BCKDHB: variants seen among roughly 807,000 people sequenced by gnomAD.
BCKDHB encodes the protein branched chain keto acid dehydrogenase E1 subunit beta, also known as 2-oxoisovalerate dehydrogenase subunit beta, mitochondrial.
BCKDHB carries 41 observed loss-of-function variants against 48.5 expected under a neutral mutation model. The ratio of observed to expected loss-of-function variants is 0.85; its 90% CI spans 0.66 to 1.10. BCKDHB has a LOEUF of 1.10. Among genes scored for constraint, BCKDHB ranks in the 50% least tolerant of loss-of-function variants. BCKDHB has a pLI of 0.00. For synonymous variants in BCKDHB, 201 were observed against 174.8 expected (o/e 1.15, Z -1.18); for missense variants, 496 against 494.2 (o/e 1.00, Z -0.03).
At chr6:80,326,410 T>C (rs7771593) in intron 9 of BCKDHB, among the ~76,000 whole-genome samples, 46,922 of 152,032 alleles carry the variant, frequency 0.31, 7,474 homozygotes, top group Non-Finnish European at 0.36. Context: ...TTTATGTCTG[T>C]CTCTCACTTT....
At chr6:80,202,889 A>G (rs1026510578) in intron 7 of BCKDHB, among the ~76,000 whole-genome samples, 4 of 151,894 alleles carry the variant, frequency 2.6e-5, no homozygotes, top group African/African-American at 9.7e-5. Flanking sequence ...TTCTCTCTCT[A>G]AGCACCTCTT....
At chr6:80,386,037 T>G in the BCKDHB span, among the ~76,000 whole-genome samples, 1 of 152,258 alleles carries the variant, frequency 6.6e-6, no homozygotes, top group Admixed American at 6.5e-5. Flanking sequence ...TGATCTCCCT[T>G]GGTTTAATGT....
intron 8 of BCKDHB, among the ~76,000 whole-genome samples, chr6:80,239,530 A>T (rs1019847780): frequency 9.2e-5 from 14 of 151,816 alleles, no homozygotes; most frequent in African/African-American, 3.4e-4. Flanking sequence ...AGATTGCAAA[A>T]TTTTTCTCCC....
At position 80,168,891 on chromosome 6, in the gene BCKDHB, C is replaced by T. The variant is rs1479145876; in HGVS notation, c.494C>T (p.Ala165Val). ...GACCCTCAGATTGTTAATGAAGCTGCCAAGTATCGCTATCGCTCTGGGGAT... is the reference window on the plus strand; with the variant it reads ...GACCCTCAGATTGTTAATGAAGCTGTCAAGTATCGCTATCGCTCTGGGGAT... Reference protein sequence around the residue: ...PAFDQIVNEAAKYRYRSGDLF... With the variant: ...PAFDQIVNEAVKYRYRSGDLF... The change falls in exon 5 of 10, where the codon GCC (alanine) becomes GTC (valine). Residue 165 changes from alanine (A) to valine (V), a missense_variant. Coordinates refer to ENST00000320393, the MANE Select transcript of BCKDHB (RefSeq NM_183050.4). 2 of 1,613,916 alleles carry T rather than the reference C, an allele frequency of 1.2e-6. No individual in the cohort carries two copies. The highest frequency in any genetic ancestry group is 1.3e-5 in the African/African-American group (1 of 74,876).
At chr6:80,322,384 G>A (rs917512474) in intron 9 of BCKDHB, among the ~76,000 whole-genome samples, 11 of 151,528 alleles carry the variant, frequency 7.3e-5, no homozygotes, top group Admixed American at 1.3e-4. Context: ...GATTACAGGC[G>A]CGCACCACTA....
At chr6:80,373,600 G>A in the BCKDHB span, among the ~76,000 whole-genome samples, 1 of 151,984 alleles carries the variant, frequency 6.6e-6, no homozygotes, top group African/African-American at 2.4e-5. Context: ...CTATGTCAGT[G>A]GATAAAAGTC....
the BCKDHB span, among the ~76,000 whole-genome samples, chr6:80,428,721 G>GT: frequency 2.6e-5 from 4 of 151,774 alleles, no homozygotes; most frequent in East Asian, 1.9e-4. Context: ...GGGGTTGTTT[G>GT]TTTTTTTTCT....
intron 8 of BCKDHB, among the ~76,000 whole-genome samples, chr6:80,204,267 G>A (rs907400199): frequency 6.6e-6 from 1 of 152,164 alleles, no homozygotes; most frequent in African/African-American, 2.4e-5. Flanking sequence ...GAAGATGTAA[G>A]ATTTGTTATA....
At chr6:80,289,287 G>T (rs1247711546) in intron 9 of BCKDHB, among the ~76,000 whole-genome samples, 1 of 152,094 alleles carries the variant, frequency 6.6e-6, no homozygotes, top group Non-Finnish European at 1.5e-5. Context: ...TACTTTACGG[G>T]TTATACATAG....
At chr6:80,153,422 GAGTGGATAGAGTTTGAGGAT>G (rs1354048661) in intron 3 of BCKDHB, among the ~76,000 whole-genome samples, 1 of 152,102 alleles carries the variant, frequency 6.6e-6, no homozygotes, top group Non-Finnish European at 1.5e-5. Context: ...CTTCCAGCTG[GAGTGGATAGAGTTTGAGGAT>G]AGTGGATAGA....
chr6:80,124,432 A>C (rs897530378), intron 1 of BCKDHB, among the ~76,000 whole-genome samples: 4 of 152,166 alleles, frequency 2.6e-5, no homozygotes, highest in African/African-American at 9.7e-5. Context: ...AGCTGAGTTC[A>C]GGTCCTGGAT....
the BCKDHB span, among the ~76,000 whole-genome samples, chr6:80,403,964 C>G: frequency 6.6e-6 from 1 of 151,918 alleles, no homozygotes; most frequent in African/African-American, 2.4e-5. Context: ...TAATGTGCTA[C>G]TGAATTTGGT....
In BCKDHB at chr6:80,322,889, C is replaced by CT. The variant is rs1562229255; in HGVS notation, c.1039-20769dup. On this transcript the variant is annotated intron_variant, in intron 9 of 9. Coordinates refer to ENST00000320393, the MANE Select transcript of BCKDHB (RefSeq NM_183050.4). The stretch of plus-strand genomic sequence containing the variant: ...CTCCTAATGATTCTTCTTTTTTTTT[C>CT]TTTTTTCTTTTTTTTTTTTTTTTTG... 1.0e-4 allele frequency among the ~76,000 whole-genome samples: 12 copies of CT among 116,618 alleles called. No individual in the cohort carries two copies. In the South Asian group the frequency reaches 1.0e-3, roughly 10 times the overall value. 76.5% of individuals were successfully genotyped at this position (116,618 alleles called of 152,430 possible). A position where few individuals can be genotyped will look rare whatever the true frequency, so the allele number is the denominator to read the frequency against.
chr6:80,464,615 G>T, the BCKDHB span, among the ~76,000 whole-genome samples: 1 of 152,198 alleles, frequency 6.6e-6, no homozygotes, highest in Non-Finnish European at 1.5e-5. Context: ...TCACTGAACA[G>T]TTGAAAGGAG....
At chr6:80,194,561 C>T (rs1257775928) in intron 6 of BCKDHB, among the ~76,000 whole-genome samples, 1 of 152,096 alleles carries the variant, frequency 6.6e-6, no homozygotes, top group East Asian at 1.9e-4. Flanking sequence ...TCATGGTCGC[C>T]ACATTTGGTC....
At chr6:80,323,729 C>G (rs563044822) in intron 9 of BCKDHB, among the ~76,000 whole-genome samples, 1 of 152,296 alleles carries the variant, frequency 6.6e-6, no homozygotes, top group Non-Finnish European at 1.5e-5. Context: ...TTGTGCTGCT[C>G]CTTTTCAATT....
intron 3 of BCKDHB, among the ~76,000 whole-genome samples, chr6:80,130,188 T>A (rs1770558607): frequency 6.6e-6 from 1 of 152,234 alleles, no homozygotes; most frequent in Non-Finnish European, 1.5e-5. Flanking sequence ...ACCTTTGAAA[T>A]GCTTTTGACA....
At chr6:80,137,302 C>T (rs1470578275) in intron 3 of BCKDHB, among the ~76,000 whole-genome samples, 1 of 152,146 alleles carries the variant, frequency 6.6e-6, no homozygotes, top group Admixed American at 6.5e-5. Flanking sequence ...TAATTTATAA[C>T]ACTGACCTCT....
intron 1 of BCKDHB, among the ~76,000 whole-genome samples, chr6:80,108,172 C>G (rs1488814003): frequency 6.6e-6 from 1 of 152,056 alleles, no homozygotes; most frequent in East Asian, 1.9e-4. Context: ...CTCCAAAGCT[C>G]CAGCTTTGGA....
Sources: allele counts gnomAD v4.1 joint callset (sites outside exome capture counted in the v4.1 genomes callset), GRCh38; gene constraint gnomAD v4.1.1; transcripts MANE v1.5; gene names NCBI Gene and HGNC (gene_info 2026-07-23, HGNC 2026-07-21).